GLYATL2: variants seen among roughly 807,000 people sequenced by gnomAD.
The protein encoded by GLYATL2 is glycine N-acyltransferase-like protein 2.
Under a neutral mutation model 21.4 loss-of-function variants are expected in GLYATL2, and 25 were observed. The ratio of observed to expected loss-of-function variants is 1.17; its 90% CI spans 0.85 to 1.63. GLYATL2 has a LOEUF of 1.63. GLYATL2 is among the 40% of genes most tolerant of loss of function. GLYATL2 has a pLI of 0.00. For synonymous variants in GLYATL2, 114 were observed against 118.2 expected, an observed-to-expected ratio of 0.96 and a Z score of 0.23; for missense variants, 361 against 343.3, an observed-to-expected ratio of 1.05 and a Z score of -0.41.
chr11:58,901,020 C>T (rs949265474), intron 1 of GLYATL2, among the ~76,000 whole-genome samples: 4 of 152,230 alleles, frequency 2.6e-5, no homozygotes, highest in Non-Finnish European at 4.4e-5. Context: ...GGAAACGCGC[C>T]TTCGCCTGCC....
Position 58,834,387 on chromosome 11 carries a change from T to A in GLYATL2, c.*42A>T. On this transcript the variant is annotated 3_prime_UTR_variant, in exon 6 of 6. Coordinates refer to ENST00000287275, the MANE Select transcript of GLYATL2 (RefSeq NM_145016.4). The stretch of plus-strand genomic sequence containing the variant: ...CAATGCTTGTGTTTGAATTAATGTT[T>A]TTTTACTGATAAGAAAGATTTGAAA... The A allele has an allele frequency of 6.7e-7, 1 of 1,492,512 alleles. No homozygotes were observed. Among genetic ancestry groups the A allele is most frequent in the Non-Finnish European group, 9.0e-7 (1 of 1,110,118 alleles). The allele number at this position is 1,492,512 out of a possible 1,614,324, so 92.5% of individuals were successfully genotyped here.
In GLYATL2 at chr11:58,866,728, G is replaced by A. The variant is rs1351986900; in HGVS notation, n.61-28360C>T. Among the ~76,000 whole-genome samples, 4 of 149,152 alleles carry A rather than the reference G, an allele frequency of 2.7e-5. 1 individual carries two copies. The East Asian group carries it at 8.9e-4, about 33-fold the overall frequency. On this transcript the variant is annotated intron_variant and non_coding_transcript_variant, in intron 1 of 4. Transcript: ENST00000533636. Reference sequence around the variant, plus strand: ...TGTTGAACAGAGATCGATCAGGAATGTACTACTACACAGAAGAGGTGCACA... The same window carrying A: ...TGTTGAACAGAGATCGATCAGGAATATACTACTACACAGAAGAGGTGCACA...
chr11:58,841,272 G>A (rs1026486959), intron 1 of GLYATL2, among the ~76,000 whole-genome samples: 1 of 152,122 alleles, frequency 6.6e-6, no homozygotes, highest in African/African-American at 2.4e-5. Context: ...GAAGCACAGT[G>A]GTTAACAACA....
intron 1 of GLYATL2, among the ~76,000 whole-genome samples, chr11:58,876,712 T>TC (rs1175537057): frequency 6.6e-6 from 1 of 152,186 alleles, no homozygotes; most frequent in Non-Finnish European, 1.5e-5. Context: ...GGGGGGTGCC[T>TC]CCCAGTTAGG....
intron 1 of GLYATL2, among the ~76,000 whole-genome samples, chr11:58,894,925 AC>A (rs1199320713): frequency 6.6e-6 from 1 of 150,832 alleles, no homozygotes; most frequent in African/African-American, 2.4e-5. Flanking sequence ...TAATGTGAAA[AC>A]AGCTATATTT....
At chr11:58,859,424 G>A (rs61889926) in intron 1 of GLYATL2, among the ~76,000 whole-genome samples, 23,366 of 152,142 alleles carry the variant, frequency 0.15, 1,952 homozygotes, top group African/African-American at 0.21. Flanking sequence ...CTCAGAGAGA[G>A]AGAGAGAGAA....
chr11:58,905,594 T>G (rs1854848426), upstream of GLYATL2: 1 of 456,168 alleles, frequency 2.2e-6, no homozygotes, highest in Non-Finnish European at 4.4e-6. Flanking sequence ...CCTCCTTGGC[T>G]TCCACTGGGA....
At chr11:58,859,147 G>C (rs1853886045) in intron 1 of GLYATL2, among the ~76,000 whole-genome samples, 1 of 152,076 alleles carries the variant, frequency 6.6e-6, no homozygotes, top group African/African-American at 2.4e-5. Context: ...ACTGCCTTTG[G>C]TGTGAGATGT....
intron 1 of GLYATL2, among the ~76,000 whole-genome samples, chr11:58,865,085 A>G (rs1854001133): frequency 6.7e-6 from 1 of 148,734 alleles, no homozygotes; most frequent in Non-Finnish European, 1.5e-5. Context: ...ATCTTCATCA[A>G]GGTTTACACA....
chr11:58,896,298 C>A (rs1481386981), intron 1 of GLYATL2, among the ~76,000 whole-genome samples: 1 of 152,196 alleles, frequency 6.6e-6, no homozygotes, highest in African/African-American at 2.4e-5. Flanking sequence ...AACCAATCCT[C>A]TGAGCCCTAT....
At chr11:58,882,384 G>A (rs1395030263) in intron 1 of GLYATL2, among the ~76,000 whole-genome samples, 1 of 152,170 alleles carries the variant, frequency 6.6e-6, no homozygotes, top group Non-Finnish European at 1.5e-5. Context: ...GTCTTCTTTT[G>A]AGAAGTGTCT....
rs191394839 is a variant in GLYATL2, at chr11:58,886,761, A to G, written n.60+17395T>C. Among the ~76,000 whole-genome samples, 213 of 152,298 alleles carry G rather than the reference A, an allele frequency of 1.4e-3. 1 individual carries two copies. Among genetic ancestry groups the G allele is most frequent in the African/African-American group, 4.9e-3 (202 of 41,556 alleles). ...TGTTTTATGCATATCTGGTTAGTGA[A>G]CTGAAGCCTCATGGCCAGCCCAGCT... On this transcript the variant is annotated intron_variant and non_coding_transcript_variant, in intron 1 of 4. Coordinates refer to the GLYATL2 transcript ENST00000533636.
intron 1 of GLYATL2, among the ~76,000 whole-genome samples, chr11:58,891,780 A>G (rs969926607): frequency 2.6e-5 from 4 of 152,208 alleles, no homozygotes; most frequent in African/African-American, 9.6e-5. Flanking sequence ...CACAGTATAT[A>G]TAACAGGGGA....
chr11:58,881,489 A>G (rs1400682405), intron 1 of GLYATL2, among the ~76,000 whole-genome samples: 2 of 152,216 alleles, frequency 1.3e-5, no homozygotes, highest in African/African-American at 4.8e-5. Context: ...AAGTTCCAAA[A>G]TGGCCATAGG....
chr11:58,909,536 A>G, the GLYATL2 span, among the ~76,000 whole-genome samples: 1 of 152,200 alleles, frequency 6.6e-6, no homozygotes, highest in Non-Finnish European at 1.5e-5. Context: ...CGCATTCTGT[A>G]TGTCTAAAAC....
At chr11:58,865,837 T>G (rs762402508) in intron 1 of GLYATL2, among the ~76,000 whole-genome samples, 1 of 148,896 alleles carries the variant, frequency 6.7e-6, no homozygotes, top group Non-Finnish European at 1.5e-5. Context: ...AGAAAAATGG[T>G]GAACAAAAGA....
rs1565101287 is a variant in GLYATL2, at chr11:58,874,868, T to G, written n.60+29288A>C. Among the ~76,000 whole-genome samples the G allele has an allele frequency of 2.0e-5, 3 of 152,224 alleles. No homozygotes were observed. In the South Asian group the frequency reaches 6.2e-4, roughly 32 times the overall value. On this transcript the variant is annotated intron_variant and non_coding_transcript_variant, in intron 1 of 4. Transcript: ENST00000533636. ...TTGTTGACTTTCTGTCTCGTTGATC[T>G]GTCTAATGTTGACAGTGGGGTGTTA...
At chr11:58,900,971 G>A (rs1854728634) in intron 1 of GLYATL2, among the ~76,000 whole-genome samples, 1 of 150,888 alleles carries the variant, frequency 6.6e-6, no homozygotes, top group Non-Finnish European at 1.5e-5. Flanking sequence ...TAGTTCTCTG[G>A]CGCCATCAGC....
upstream of GLYATL2, among the ~76,000 whole-genome samples, chr11:58,906,787 C>T (rs895175108): frequency 2.0e-5 from 3 of 152,186 alleles, no homozygotes; most frequent in Non-Finnish European, 4.4e-5. Context: ...AGGTTACCTT[C>T]ATAGGTTCTG....
Sources: gnomAD v4.1 joint callset for allele counts (sites outside exome capture counted in the v4.1 genomes callset) on GRCh38, gnomAD v4.1.1 for gene constraint, MANE v1.5 for transcripts, NCBI Gene and HGNC (gene_info 2026-07-23, HGNC 2026-07-21) for gene names.